The following ADGRE2 variants were observed in gnomAD, a reference collection of about 807,000 sequenced individuals.
The protein encoded by ADGRE2 is adhesion G protein-coupled receptor E2, also known as CD97 antigen.
Under a neutral mutation model 100.8 loss-of-function variants are expected in ADGRE2, and 83 were observed. The ratio of observed to expected loss-of-function variants is 0.82; its 90% CI spans 0.69 to 0.99. The LOEUF (loss-of-function observed/expected upper bound fraction) is 0.99. Among genes scored for constraint, ADGRE2 ranks in the 50% least tolerant of loss-of-function variants. ADGRE2 has a pLI of 0.00. For synonymous variants in ADGRE2, 355 were observed against 413.0 expected (o/e 0.86, Z 1.70); for missense variants, 814 against 1,035.7 (o/e 0.79, Z 2.94).
chr19:14,772,393 G>T lies in ADGRE2; in HGVS notation c.304C>A (p.Pro102Thr). 6 of 1,614,062 alleles carry T rather than the reference G, an allele frequency of 3.7e-6. No homozygotes were observed. Among genetic ancestry groups the T allele is most frequent in the Non-Finnish European group, 4.2e-6 (5 of 1,180,018 alleles). ...YDCVCSPGYE[P>T]VSGAKTFKNE... is the part of the protein sequence containing the mutation. ...TTGAATGTTTTTGCCCCAGAAACAG[G>T]CTCATATCCTGGGCTGCACACGCAG... The change falls in exon 5 of 21, where the codon CCT becomes ACT. Residue 102 changes from proline (P) to threonine (T), a missense_variant. Coordinates refer to ENST00000315576, the MANE Select transcript of ADGRE2 (RefSeq NM_013447.4).
Position 14,776,630 on chromosome 19 carries a change from C to G in ADGRE2, c.31+96G>C, listed in dbSNP as rs1030090940. ...GTGGCTTTCTCCATCGCCGGCCCCA[C>G]AGACACCAGCGGCGCCTCCCGTTTC... On this transcript the variant is annotated intron_variant, in intron 2 of 20. Transcript: ENST00000315576. 9 of 1,404,096 alleles carry G rather than the reference C, an allele frequency of 6.4e-6. No individual in the cohort carries two copies. The Admixed American group carries it at 1.8e-4, about 28-fold the overall frequency. The allele number at this position is 1,404,096 out of a possible 1,614,324, so 87.0% of individuals were successfully genotyped here.
At chr19:14,753,556 G>A (rs1427853630) in intron 14 of ADGRE2, among the ~76,000 whole-genome samples, 3 of 152,110 alleles carry the variant, frequency 2.0e-5, no homozygotes, top group Non-Finnish European at 4.4e-5. Context: ...CACTTTGGGA[G>A]GCCGAGGCGG....
chr19:14,764,349 G>A lies in ADGRE2; in HGVS notation c.1084+84C>T, dbSNP rs2043868236. 4.0e-6 allele frequency: 5 copies of A among 1,260,006 alleles called. No homozygotes were observed. The East Asian group carries it at 1.2e-4, about 30-fold the overall frequency. The allele number at this position is 1,260,006 out of a possible 1,614,324, so 78.1% of individuals were successfully genotyped here. A position where few individuals can be genotyped will look rare whatever the true frequency, so the allele number is the denominator to read the frequency against. On this transcript the variant is annotated intron_variant, in intron 11 of 20. Transcript: ENST00000315576. The stretch of plus-strand genomic sequence containing the variant: ...GAGAGTAACACTGATATACAGGTGT[G>A]GTCACTTGGCTCTGGTGGGACTGGG...
At chr19:14,776,550 G>GAACTCCA in intron 2 of ADGRE2, 176 bp downstream of exon 2, 1 of 709,540 alleles carries the variant, frequency 1.4e-6, no homozygotes, top group South Asian at 1.8e-5. Context: ...GTGTGGGGGT[G>GAACTCCA]CCCAAGCACC....
chr19:14,772,540 G>A (rs763204131), intron 4 of ADGRE2, 43 bp from the exon 5 acceptor site: 58 of 1,607,650 alleles, frequency 3.6e-5, no homozygotes, highest in Non-Finnish European at 4.4e-5. Context: ...AAAGATGTGA[G>A]TTCCGTCAGG....
At position 14,772,489 on chromosome 19, in the gene ADGRE2, C is replaced by T. The variant is rs1010286043; in HGVS notation, c.208G>A (p.Glu70Lys). The T allele has an allele frequency of 3.1e-6, 5 of 1,613,948 alleles. No homozygotes were observed. Among genetic ancestry groups the T allele is most frequent in the African/African-American group, 1.3e-5 (1 of 74,982 alleles). Residue 70 changes from glutamate (E) to lysine (K), a missense_variant, in exon 5 of 21, where the codon GAG (glutamate) becomes AAG (lysine). By Grantham distance (56) the Glu-to-Lys change is moderately conservative. Around this residue, in one of 5 missense-constraint regions of ADGRE2, gnomAD observed 143 missense variants for 160.3 expected, o/e 0.89. Coordinates refer to ENST00000315576, the MANE Select transcript of ADGRE2 (RefSeq NM_013447.4). ...GACACTTTCGACAGTGTTGCACACT[C>T]GTTGATGTCTGGAACACAACAGGAC... ...TPMETCDDINECATLSKVSCG... is the reference protein window; with the variant it reads ...TPMETCDDINKCATLSKVSCG...
chr19:14,755,271 TAAAAAA>T (rs35861940), intron 13 of ADGRE2, 144 bp from the exon 14 acceptor site: 34 of 371,744 alleles, frequency 9.1e-5, no homozygotes, highest in Middle Eastern at 8.1e-4. Context: ...CCATCTCTAC[TAAAAAA>T]AAAAAAAAAA....
intron 5 of ADGRE2, among the ~76,000 whole-genome samples, chr19:14,771,056 C>T (rs542090688): frequency 7.9e-5 from 12 of 152,198 alleles, no homozygotes; most frequent in African/African-American, 2.9e-4. Flanking sequence ...AGCATCTGTT[C>T]ACAGGGGACC....
Position 14,752,501 on chromosome 19 carries a change from A to T in ADGRE2, c.1616T>A (p.Ile539Asn), listed in dbSNP as rs763402437. ...AGAGACGCTCAGCCCCATGTAGGTGATGACAGTCAGCACGGGATCCTCCTC... is the reference window on the plus strand; with the variant it reads ...AGAGACGCTCAGCCCCATGTAGGTGTTGACAGTCAGCACGGGATCCTCCTC... The part of the protein sequence containing the change: ...VQEEDPVLTV[I>N]TYMGLSVSLL... Residue 539 changes from isoleucine (I) to asparagine (N), a missense_variant, in exon 15 of 21, where the codon ATC becomes AAC. This residue lies in a region of ADGRE2 where 569 missense variants were observed against 692.7 expected (regional missense o/e 0.82). Coordinates refer to ENST00000315576, the MANE Select transcript of ADGRE2 (RefSeq NM_013447.4). 6.2e-7 allele frequency: 1 copy of T among 1,614,160 alleles called. No individual in the cohort carries two copies. The highest frequency in any genetic ancestry group is 1.7e-5 in the Admixed American group (1 of 60,014).
rs145066921 is a variant in ADGRE2 at position 14,763,149 on chromosome 19, C to T, written c.1084+1284G>A. Among the ~76,000 whole-genome samples the T allele has an allele frequency of 6.2e-3, 936 of 152,122 alleles. 8 individuals are homozygous for T. Among genetic ancestry groups the T allele is most frequent in the African/African-American group, 0.021 (865 of 41,498 alleles). On this transcript the variant is annotated intron_variant, in intron 11 of 20. Transcript: ENST00000315576. ...AAGGTCAGGAGATCGAGAGACCATC[C>T]TGGCTAACACGGTGCAACCCCGTCT...
intron 5 of ADGRE2, chr19:14,771,908 G>T (rs1471963752): frequency 6.1e-6 from 1 of 164,466 alleles, no homozygotes; most frequent in Non-Finnish European, 1.3e-5. Context: ...CAAAGTGCTG[G>T]GATTACAGTG....
chr19:14,777,026 T>C, intron 1 of ADGRE2, 99 bp from the exon 2 acceptor site: 1 of 1,151,558 alleles, frequency 8.7e-7, no homozygotes, highest in African/African-American at 2.0e-5. Context: ...GTGTACTCGC[T>C]CAGCAAGAAT....
chr19:14,768,943 T>A (rs1223017223), intron 5 of ADGRE2: 1 of 152,154 alleles, frequency 6.6e-6, no homozygotes, highest in Non-Finnish European at 1.5e-5. Context: ...AGCTGGGGGA[T>A]CAGAGAGAGT....
chr19:14,773,453 C>T (rs2044299743), intron 4 of ADGRE2, among the ~76,000 whole-genome samples: 2 of 146,186 alleles, frequency 1.4e-5, no homozygotes, highest in Admixed American at 6.9e-5. Context: ...GTTGCCCAGA[C>T]AATCCCTCCC....
chr19:14,730,806 T>C (rs957364078), downstream of ADGRE2, among the ~76,000 whole-genome samples: 1 of 151,634 alleles, frequency 6.6e-6, no homozygotes, highest in African/African-American at 2.4e-5. Context: ...CTTGCCCTCC[T>C]CCCTCCCTCC....
chr19:14,746,276 T>A lies in ADGRE2; in HGVS notation c.2139A>T (p.Arg713Ser). The A allele has an allele frequency of 6.2e-7, 1 of 1,611,554 alleles. No homozygotes were observed. The highest frequency in any genetic ancestry group is 8.5e-7 in the Non-Finnish European group (1 of 1,178,024). ...ACACTTCACTATTGAGGGAGGAGAG[T>A]CTGTTTTTCAAAATCCAGAGAGTCA... ...FLVTLWILKN[R>S]LSSLNSEVST... is the part of the protein sequence containing the mutation. The change falls in exon 18 of 21, where the codon AGA becomes AGT. Residue 713 changes from arginine (R) to serine (S), a missense_variant. Transcript: ENST00000315576.
At chr19:14,776,626 C>G (rs1277398263) in intron 2 of ADGRE2, 100 bp downstream of exon 2, 71 of 1,362,156 alleles carry the variant, frequency 5.2e-5, no homozygotes, top group Non-Finnish European at 6.5e-5. Flanking sequence ...CATCGCCGGC[C>G]CCACAGACAC....
Position 14,756,275 on chromosome 19 carries a change from C to T in ADGRE2, c.1155G>A (p.Gln385=). 6.2e-7 allele frequency: 1 copy of T among 1,614,140 alleles called. No homozygotes were observed. The highest frequency in any genetic ancestry group is 1.3e-5 in the African/African-American group (1 of 75,066). The part of the protein sequence containing the change: ...VTLRQNQAVM[Q]LDWNQAQKSG... ...ATTTCTGTGCCTGATTCCAGTCGAG[C>T]TGCATCACTGCCTGATTCTGTCTCA... Residue 385 remains glutamine (Q), a synonymous_variant, in exon 12 of 21, where the codon CAG becomes CAA. Transcript: ENST00000315576.
intron 4 of ADGRE2, among the ~76,000 whole-genome samples, chr19:14,773,672 C>A (rs1021802487): frequency 6.6e-6 from 1 of 151,796 alleles, no homozygotes; most frequent in Non-Finnish European, 1.5e-5. Flanking sequence ...CCACCATGCG[C>A]GGCTATTTTG....
Sources: gnomAD v4.1 joint callset for allele counts (sites outside exome capture counted in the v4.1 genomes callset) on GRCh38, gnomAD v4.1.1 for gene constraint, gnomAD v4.1.1 regional missense constraint, MANE v1.5 for transcripts, NCBI Gene and HGNC (gene_info 2026-07-23, HGNC 2026-07-21) for gene names.